AGPAT4: variants seen among roughly 807,000 people sequenced by gnomAD.
The protein encoded by AGPAT4 is 1-acyl-sn-glycerol-3-phosphate acyltransferase delta.
A neutral mutation model predicts 48.0 loss-of-function variants in AGPAT4; 15 were observed. That is an observed-to-expected ratio of 0.31 (90% confidence interval 0.21 to 0.48). AGPAT4 has a LOEUF of 0.48. Ranked by LOEUF, AGPAT4 falls within the 20% of genes least tolerant of loss-of-function variation. AGPAT4 has a pLI of 0.99. For synonymous variants in AGPAT4, 178 were observed against 198.7 expected (o/e 0.90, Z 0.88); for missense variants, 314 against 482.5 (o/e 0.65, Z 3.27).
rs1779947042 is a variant in AGPAT4, at chr6:161,161,943, T to C, written c.348+4305A>G. Reference sequence around the variant, plus strand: ...TCTCACCTTTCTCTGTGCAAAGAAATGCAATGCTGCTATTTTTCATTTGTT... The same window carrying C: ...TCTCACCTTTCTCTGTGCAAAGAAACGCAATGCTGCTATTTTTCATTTGTT... On this transcript the variant is annotated intron_variant, in intron 3 of 8. Coordinates refer to ENST00000320285, the MANE Select transcript of AGPAT4 (RefSeq NM_020133.3). This position sits in a 1 kb window ranked among gnomAD's most constrained non-coding sequence, Gnocchi z 4.6. 1 of 169,958 alleles carries C rather than the reference T, an allele frequency of 5.9e-6. No individual in the cohort carries two copies. Among genetic ancestry groups the C allele is most frequent in the African/African-American group, 2.4e-5 (1 of 42,182 alleles). 10.5% of individuals were successfully genotyped at this position (169,958 alleles called of 1,614,324 possible).
rs1029251631 is a variant in AGPAT4 at position 161,218,089 on chromosome 6, G to A, written c.178+13947C>T. 6.6e-6 allele frequency among the ~76,000 whole-genome samples: 1 copy of A among 152,220 alleles called. No homozygotes were observed. The highest frequency in any genetic ancestry group is 2.4e-5 in the African/African-American group (1 of 41,464). The stretch of plus-strand genomic sequence containing the variant: ...TCTGTGTCTGATGAGTTGGTGCCTT[G>A]TTCTTCTGGCAAGAGAACCACATGC... On this transcript the variant is annotated intron_variant, in intron 2 of 8. Transcript: ENST00000320285. The surrounding 1 kb of genome is among the most constrained non-coding windows in gnomAD (Gnocchi z 4.7).
At chr6:161,193,533 C>T (rs1385852077) in intron 2 of AGPAT4, among the ~76,000 whole-genome samples, 1 of 152,202 alleles carries the variant, frequency 6.6e-6, no homozygotes, top group Non-Finnish European at 1.5e-5. Context: ...TTTTATTATC[C>T]TCAGCTCAAC....
chr6:161,239,577 A>T (rs1269874947), intron 1 of AGPAT4, among the ~76,000 whole-genome samples: 1 of 152,244 alleles, frequency 6.6e-6, no homozygotes, highest in African/African-American at 2.4e-5. Context: ...CAAAGAAATC[A>T]GTCCAAGAAG....
rs1040982382 is a variant in AGPAT4, at chr6:161,158,811, C to T, written c.349-4501G>A. Among the ~76,000 whole-genome samples, 6 of 152,162 alleles carry T rather than the reference C, an allele frequency of 3.9e-5. No individual in the cohort carries two copies. Among genetic ancestry groups the T allele is most frequent in the African/African-American group, 9.7e-5 (4 of 41,442 alleles). On this transcript the variant is annotated intron_variant, in intron 3 of 8. Coordinates refer to ENST00000320285, the MANE Select transcript of AGPAT4 (RefSeq NM_020133.3). This position sits in a 1 kb window ranked among gnomAD's most constrained non-coding sequence, Gnocchi z 5.3. ...GGCTTCAGATGAAGATTCCAAACCCCGGTGCTGCGAGCAGCATGGCTGGGA... is the reference window on the plus strand; with the variant it reads ...GGCTTCAGATGAAGATTCCAAACCCTGGTGCTGCGAGCAGCATGGCTGGGA...
In AGPAT4 at chr6:161,238,719, C is replaced by A. The variant is rs544467089; in HGVS notation, c.-89-6417G>T. Among the ~76,000 whole-genome samples, 33 of 152,108 alleles carry A rather than the reference C, an allele frequency of 2.2e-4. No individual in the cohort carries two copies. The highest frequency in any genetic ancestry group is 6.6e-4 in the Admixed American group (10 of 15,266). On this transcript the variant is annotated intron_variant, in intron 1 of 8. Transcript: ENST00000320285. This position sits in a 1 kb window ranked among gnomAD's most constrained non-coding sequence, Gnocchi z 5.2. The stretch of plus-strand genomic sequence containing the variant: ...TGTAGTTCCCATAATCTCCACATGT[C>A]GTGGGAGGGAACCAGTGGGAGGTAA...
chr6:161,144,249 C>T lies in AGPAT4; in HGVS notation c.843+2275G>A, dbSNP rs752254688. Reference sequence around the variant, plus strand: ...TCACAGACACATACTGCTTAGAGAACTCGGTGTCGCCCCAGCCCTGCACGG... The same window carrying T: ...TCACAGACACATACTGCTTAGAGAATTCGGTGTCGCCCCAGCCCTGCACGG... On this transcript the variant is annotated intron_variant, in intron 7 of 8. Transcript: ENST00000320285. This position sits in a 1 kb window ranked among gnomAD's most constrained non-coding sequence, Gnocchi z 6.6. 6 of 511,656 alleles carry T rather than the reference C, an allele frequency of 1.2e-5. No individual in the cohort carries two copies. Among genetic ancestry groups the T allele is most frequent in the African/African-American group, 1.2e-4 (6 of 51,446 alleles). The allele number at this position is 511,656 out of a possible 1,614,324, so 31.7% of individuals were successfully genotyped here. A position where few individuals can be genotyped will look rare whatever the true frequency, so the allele number is the denominator to read the frequency against.
At chr6:161,256,806 T>C (rs914530108) in intron 1 of AGPAT4, among the ~76,000 whole-genome samples, 1 of 152,224 alleles carries the variant, frequency 6.6e-6, no homozygotes, top group African/African-American at 2.4e-5. Context: ...GGTTCATCAG[T>C]TTGGCAACAC....
At position 161,201,167 on chromosome 6, in the gene AGPAT4, A is replaced by G. The variant is rs1781226945; in HGVS notation, c.178+30869T>C. 6.6e-6 allele frequency among the ~76,000 whole-genome samples: 1 copy of G among 152,134 alleles called. No individual in the cohort carries two copies. Among genetic ancestry groups the G allele is most frequent in the Admixed American group, 6.5e-5 (1 of 15,270 alleles). On this transcript the variant is annotated intron_variant, in intron 2 of 8. Coordinates refer to ENST00000320285, the MANE Select transcript of AGPAT4 (RefSeq NM_020133.3). The surrounding 1 kb of genome is among the most constrained non-coding windows in gnomAD (Gnocchi z 6.0). ...TTGATCCTCCAGGTCCTTTCTGGAG[A>G]AAATGAGCTGGCAGGGGAGTGGGGA... is the stretch of plus-strand genomic sequence containing the variant.
At position 161,248,385 on chromosome 6, in the gene AGPAT4, T is replaced by C. The variant is rs527328002; in HGVS notation, c.-89-16083A>G. Among the ~76,000 whole-genome samples, 331 of 151,776 alleles carry C rather than the reference T, an allele frequency of 2.2e-3. 1 individual carries two copies. Among genetic ancestry groups the C allele is most frequent in the Non-Finnish European group, 3.6e-3 (242 of 67,926 alleles). On this transcript the variant is annotated intron_variant, in intron 1 of 8. Coordinates refer to ENST00000320285, the MANE Select transcript of AGPAT4 (RefSeq NM_020133.3). ...GTCAGGAGATCGAGACCATACTGGCTAACACAGTGAAACTCCGTCTCCACT... is the reference window on the plus strand; with the variant it reads ...GTCAGGAGATCGAGACCATACTGGCCAACACAGTGAAACTCCGTCTCCACT...
At chr6:161,187,822 G>A (rs1248305129) in intron 2 of AGPAT4, among the ~76,000 whole-genome samples, 1 of 152,178 alleles carries the variant, frequency 6.6e-6, no homozygotes, top group Non-Finnish European at 1.5e-5. Context: ...GGGCTTACAG[G>A]CGTGAGCCAC....
rs751571012 is a variant in AGPAT4, at chr6:161,196,531, G to A, written c.179-30114C>T. Among the ~76,000 whole-genome samples, 7 of 152,210 alleles carry A rather than the reference G, an allele frequency of 4.6e-5. No homozygotes were observed. The South Asian group carries it at 6.2e-4, about 14-fold the overall frequency. On this transcript the variant is annotated intron_variant, in intron 2 of 8. Transcript: ENST00000320285. The surrounding 1 kb of genome is among the most constrained non-coding windows in gnomAD (Gnocchi z 4.3). ...TGTTAAGAAGCAAGGAGAGGGTCAC[G>A]CGTGGTGACTCAATGCCTGTAATCC...
At chr6:161,248,489 G>A (rs1177325105) in intron 1 of AGPAT4, among the ~76,000 whole-genome samples, 1 of 148,570 alleles carries the variant, frequency 6.7e-6, no homozygotes, top group East Asian at 2.0e-4. Flanking sequence ...CAGGAGAATA[G>A]AGTGAACCTG....
chr6:161,203,737 GGA>G (rs2115012530), intron 2 of AGPAT4, among the ~76,000 whole-genome samples: 1 of 152,172 alleles, frequency 6.6e-6, no homozygotes. Context: ...CGCCTGGCTG[GGA>G]GAGTTTTCTT....
At chr6:161,257,217 G>A (rs1218403753) in intron 1 of AGPAT4, among the ~76,000 whole-genome samples, 1 of 152,182 alleles carries the variant, frequency 6.6e-6, no homozygotes, top group Admixed American at 6.5e-5. Context: ...GCAAGAGATG[G>A]TACAGCCACA....
In AGPAT4 at chr6:161,161,990, T is replaced by A. The variant is rs1382767309; in HGVS notation, c.348+4258A>T. The A allele has an allele frequency of 6.0e-6, 1 of 165,482 alleles. No homozygotes were observed. Among genetic ancestry groups the A allele is most frequent in the Non-Finnish European group, 1.3e-5 (1 of 74,836 alleles). 10.3% of individuals were successfully genotyped at this position (165,482 alleles called of 1,614,324 possible). A position where few individuals can be genotyped will look rare whatever the true frequency, so the allele number is the denominator to read the frequency against. On this transcript the variant is annotated intron_variant, in intron 3 of 8. Coordinates refer to ENST00000320285, the MANE Select transcript of AGPAT4 (RefSeq NM_020133.3). This position sits in a 1 kb window ranked among gnomAD's most constrained non-coding sequence, Gnocchi z 4.6. The stretch of plus-strand genomic sequence containing the variant: ...TGTTTTATTTATTGATTTATGTTTA[T>A]AGAGACAGAGATCTCACTGTGTTGC...
chr6:161,232,568 G>A lies in AGPAT4; in HGVS notation c.-89-266C>T, dbSNP rs1272149492. On this transcript the variant is annotated intron_variant, in intron 1 of 8. Coordinates refer to ENST00000320285, the MANE Select transcript of AGPAT4 (RefSeq NM_020133.3). This position sits in a 1 kb window ranked among gnomAD's most constrained non-coding sequence, Gnocchi z 6.8. ...AGATGAGGAAACTGAGTCCTGGAAG[G>A]TGGAGCCACTCGGCCAGGGTTCACC... Among the ~76,000 whole-genome samples, 2 of 152,162 alleles carry A rather than the reference G, an allele frequency of 1.3e-5. No individual in the cohort carries two copies. The highest frequency in any genetic ancestry group is 2.9e-5 in the Non-Finnish European group (2 of 68,018).
chr6:161,222,262 T>G lies in AGPAT4; in HGVS notation c.178+9774A>C, dbSNP rs1781856631. Among the ~76,000 whole-genome samples, 1 of 152,258 alleles carries G rather than the reference T, an allele frequency of 6.6e-6. No individual in the cohort carries two copies. On this transcript the variant is annotated intron_variant, in intron 2 of 8. Transcript: ENST00000320285. The surrounding 1 kb of genome is among the most constrained non-coding windows in gnomAD (Gnocchi z 5.9). ...ATATTTTCCTTTTCTACTCATTCCA[T>G]AAGCTGTTCCTTATTTTGTCCTTTT...
intron 8 of AGPAT4, among the ~76,000 whole-genome samples, chr6:161,136,884 T>A (rs1779084801): frequency 6.6e-6 from 1 of 152,194 alleles, no homozygotes; most frequent in African/African-American, 2.4e-5. Context: ...GGTGAATGAT[T>A]TGGCAAGCCA....
Position 161,184,698 on chromosome 6 carries a change from G to GACA in AGPAT4, c.179-18282_179-18281insTGT, listed in dbSNP as rs1780717945. 1.3e-5 allele frequency among the ~76,000 whole-genome samples: 2 copies of GACA among 152,076 alleles called. No homozygotes were observed. Among genetic ancestry groups the GACA allele is most frequent in the African/African-American group, 2.4e-5 (1 of 41,406 alleles). The stretch of plus-strand genomic sequence containing the variant: ...ACAGCCCATGCCCAGTCAGTCATCA[G>GACA]GGACAGTTTACCTGCCAGGTTTCCA... On this transcript the variant is annotated intron_variant, in intron 2 of 8. Coordinates refer to ENST00000320285, the MANE Select transcript of AGPAT4 (RefSeq NM_020133.3). The surrounding 1 kb of genome is among the most constrained non-coding windows in gnomAD (Gnocchi z 4.8).
Sources: allele counts gnomAD v4.1 joint callset (sites outside exome capture counted in the v4.1 genomes callset), GRCh38; gene constraint gnomAD v4.1.1; non-coding constraint Gnocchi (gnomAD v3.1); transcripts MANE v1.5; gene names NCBI Gene and HGNC (gene_info 2026-07-23, HGNC 2026-07-21).